Variants in TTF1 observed in about 807,000 individuals in gnomAD.
TTF1 encodes the protein transcription termination factor 1.
Under a neutral mutation model 80.2 loss-of-function variants are expected in TTF1, and 64 were observed. The observed-to-expected ratio is 0.80, with a 90% CI of 0.65 to 0.98. The LOEUF (loss-of-function observed/expected upper bound fraction) is 0.98, where lower values mean the gene tolerates loss of function less well. Ranked by LOEUF, TTF1 falls within the 50% of genes least tolerant of loss-of-function variation. TTF1 has a pLI of 0.00. For missense variants in TTF1, 1,023 were observed against 1,086.2 expected (o/e 0.94, Z 0.82); for synonymous variants, 372 against 382.7 (o/e 0.97, Z 0.33).
At chr9:132,387,899 T>G (rs1331798523) in intron 8 of TTF1, among the ~76,000 whole-genome samples, 3 of 152,216 alleles carry the variant, frequency 2.0e-5, no homozygotes, top group Non-Finnish European at 4.4e-5. Context: ...CACACGTTAT[T>G]TTCTTTTATC....
In TTF1 at chr9:132,398,179, G is replaced by A. The variant is rs1415075752; in HGVS notation, c.1739C>T (p.Thr580Ile). ...DRYPEEKSVI[T>I]NLKRRYSFRL... ...AAACGAGTATCTCCTTTTTAAGTTG[G>A]TGATCACAGATTTTTCCTCAGGATA... Residue 580 changes from threonine (T) to isoleucine (I), a missense_variant, in exon 4 of 11, where the codon ACC (threonine) becomes ATC (isoleucine). Coordinates refer to ENST00000334270, the MANE Select transcript of TTF1 (RefSeq NM_007344.4). 1.3e-6 allele frequency: 2 copies of A among 1,586,690 alleles called. No individual in the cohort carries two copies. Among genetic ancestry groups the A allele is most frequent in the South Asian group, 1.2e-5 (1 of 85,908 alleles).
chr9:132,382,987 C>T (rs1325383007), intron 9 of TTF1, among the ~76,000 whole-genome samples: 1 of 151,790 alleles, frequency 6.6e-6, no homozygotes, highest in Non-Finnish European at 1.5e-5. Flanking sequence ...ACTGCTTGAA[C>T]CCGGAAGGTG....
At chr9:132,377,789 G>A (rs1849247509) in intron 10 of TTF1, among the ~76,000 whole-genome samples, 2 of 128,184 alleles carry the variant, frequency 1.6e-5, no homozygotes, top group African/African-American at 3.0e-5. Context: ...GTGAGTGCAT[G>A]TGGTGTGTGT....
chr9:132,378,515 G>C (rs1273700869), intron 10 of TTF1, among the ~76,000 whole-genome samples: 57 of 145,312 alleles, frequency 3.9e-4, no homozygotes, highest in Middle Eastern at 3.7e-3. Flanking sequence ...AGTGCATGTG[G>C]TGGGTGTGAG....
intron 8 of TTF1, among the ~76,000 whole-genome samples, chr9:132,386,898 C>A (rs908724647): frequency 6.6e-6 from 1 of 152,208 alleles, no homozygotes; most frequent in Non-Finnish European, 1.5e-5. Flanking sequence ...GTAAAAAACA[C>A]CACCTCATCA....
intron 5 of TTF1, among the ~76,000 whole-genome samples, chr9:132,396,036 C>A (rs114473863): frequency 1.0e-3 from 153 of 152,340 alleles, no homozygotes; most frequent in African/African-American, 3.5e-3. Context: ...CTTACCTCCA[C>A]CTTCAAATAG....
intron 9 of TTF1, among the ~76,000 whole-genome samples, chr9:132,382,832 G>C (rs956843935): frequency 1.3e-5 from 2 of 151,886 alleles, no homozygotes; most frequent in African/African-American, 4.8e-5. Flanking sequence ...TTGGGAGGCT[G>C]AGGTGGGTGG....
chr9:132,381,098 G>A (rs1849364178), intron 9 of TTF1, among the ~76,000 whole-genome samples: 2 of 152,138 alleles, frequency 1.3e-5, no homozygotes, highest in East Asian at 1.9e-4. Flanking sequence ...TTTTAAACAT[G>A]TAATTTTATT....
intron 7 of TTF1, 134 bp from the exon 8 acceptor site, chr9:132,388,362 G>A (rs137876431): frequency 1.6e-4 from 84 of 531,580 alleles, no homozygotes; most frequent in African/African-American, 1.5e-3. Flanking sequence ...TTTGAGACGG[G>A]GTCTCACTTT....
Position 132,402,077 on chromosome 9 carries a change from C to T in TTF1, c.745G>A (p.Asp249Asn). 5 of 1,614,126 alleles carry T rather than the reference C, an allele frequency of 3.1e-6. No individual in the cohort carries two copies. The highest frequency in any genetic ancestry group is 4.2e-6 in the Non-Finnish European group (5 of 1,180,028). The part of the protein sequence containing the change: ...GSQAGREAGT[D>N]MQESQPTVGL... ...ACAGTAGGCTGGGATTCCTGCATAT[C>T]AGTCCCGGCCTCTCTGCCTGCTTGC... The change falls in exon 2 of 11, where the codon GAT (aspartate) becomes AAT (asparagine). Residue 249 changes from aspartate to asparagine, a missense_variant. Transcript: ENST00000334270.
intron 1 of TTF1, among the ~76,000 whole-genome samples, chr9:132,404,162 T>C (rs114804347): frequency 9.0e-4 from 137 of 152,350 alleles, no homozygotes; most frequent in Middle Eastern, 3.4e-3. Context: ...TCTCCTTTTT[T>C]ACACAGAAGG....
chr9:132,398,564 A>T lies in TTF1; in HGVS notation c.1592-238T>A, dbSNP rs185737148. Among the ~76,000 whole-genome samples the T allele has an allele frequency of 5.9e-3, 895 of 152,174 alleles. 9 individuals carry two copies. The highest frequency in any genetic ancestry group is 0.02 in the African/African-American group (830 of 41,522). On this transcript the variant is annotated intron_variant, in intron 3 of 10. Transcript: ENST00000334270. ...TATTCCAAAGTGACCTTTCCTGTTT[A>T]ATCTATCTTTTTAAAAAATAGTTTT...
rs533301815 is a variant in TTF1, at chr9:132,391,957, C to T, written c.1987+119G>A. ...TTAGTATAGAGAACAGCTTAAGAAACAAAGCTCTTGCGGAAGACAGGTCTA... is the reference window on the plus strand; with the variant it reads ...TTAGTATAGAGAACAGCTTAAGAAATAAAGCTCTTGCGGAAGACAGGTCTA... On this transcript the variant is annotated intron_variant, in intron 6 of 10. Transcript: ENST00000334270. 1.6e-5 allele frequency: 23 copies of T among 1,474,282 alleles called. No homozygotes were observed. The South Asian group carries it at 3.1e-4, about 20-fold the overall frequency. The allele number at this position is 1,474,282 out of a possible 1,614,324, so 91.3% of individuals were successfully genotyped here. A position where few individuals can be genotyped will look rare whatever the true frequency, so the allele number is the denominator to read the frequency against.
intron 2 of TTF1, 34 bp downstream of exon 2, chr9:132,401,421 T>C: frequency 6.4e-7 from 1 of 1,564,988 alleles, no homozygotes; most frequent in Admixed American, 2.0e-5. Context: ...ACGAAAGAAA[T>C]ATACCAGCAG....
chr9:132,379,524 C>T (rs61049439), intron 9 of TTF1, among the ~76,000 whole-genome samples: 4 of 152,158 alleles, frequency 2.6e-5, no homozygotes, highest in South Asian at 2.1e-4. Flanking sequence ...ATAATCCTCA[C>T]GACAACTCAA....
intron 10 of TTF1, 139 bp from the exon 11 acceptor site, chr9:132,376,307 C>G (rs544507693): frequency 4.4e-5 from 41 of 941,514 alleles, no homozygotes; most frequent in Admixed American, 8.9e-5. Context: ...AATTGGTTTA[C>G]CCACATTCAC....
At chr9:132,379,261 T>C (rs1350286436) in intron 9 of TTF1, 117 bp from the exon 10 acceptor site, 7 of 650,938 alleles carry the variant, frequency 1.1e-5, no homozygotes, top group Non-Finnish European at 1.5e-5. Context: ...ATCGTAAACA[T>C]AAGATCATCA....
chr9:132,383,795 G>A (rs756999925), intron 9 of TTF1, among the ~76,000 whole-genome samples: 8 of 152,280 alleles, frequency 5.3e-5, no homozygotes, highest in East Asian at 1.9e-4. Flanking sequence ...CTGCAACCAC[G>A]CAGTGTTTCC....
At chr9:132,379,536 G>C (rs1849331362) in intron 9 of TTF1, among the ~76,000 whole-genome samples, 1 of 152,194 alleles carries the variant, frequency 6.6e-6, no homozygotes, top group Admixed American at 6.5e-5. Flanking sequence ...ACAACTCAAG[G>C]AGGGAGTTAC....
Sources: allele counts gnomAD v4.1 joint callset (sites outside exome capture counted in the v4.1 genomes callset), GRCh38; gene constraint gnomAD v4.1.1; transcripts MANE v1.5; gene names NCBI Gene and HGNC (gene_info 2026-07-23, HGNC 2026-07-21).